Variants in ADGRV1 observed in about 807,000 individuals in gnomAD.
ADGRV1 encodes adhesion G protein-coupled receptor V1, also known as G-protein coupled receptor 98.
A neutral mutation model predicts 596.2 loss-of-function variants in ADGRV1; 359 were observed. The ratio of observed to expected loss-of-function variants is 0.60; its 90% CI spans 0.55 to 0.66. ADGRV1 has a LOEUF of 0.66. Ranked by LOEUF, ADGRV1 falls within the 30% of genes least tolerant of loss-of-function variation. The pLI, the probability that ADGRV1 is intolerant of heterozygous loss-of-function variation, is 0.00. For synonymous variants in ADGRV1, 2,681 were observed against 2,679.2 expected (o/e 1.00, Z -0.02); for missense variants, 7,274 against 7,575.6 (o/e 0.96, Z 1.48).
At chr5:90,827,812 A>G (rs1764190764) in intron 76 of ADGRV1, among the ~76,000 whole-genome samples, 1 of 152,244 alleles carries the variant, frequency 6.6e-6, no homozygotes, top group South Asian at 2.1e-4. Flanking sequence ...AAGTTGATTT[A>G]TGCTATAACT....
chr5:91,147,086 G>A (rs1469104328), intron 87 of ADGRV1, among the ~76,000 whole-genome samples: 1 of 150,150 alleles, frequency 6.7e-6, no homozygotes, highest in African/African-American at 2.5e-5. Flanking sequence ...AGTATCGCTT[G>A]AGCCTGGGAG....
In ADGRV1 at chr5:90,912,975, CAT is replaced by C. The variant is rs201987232; in HGVS notation, c.17856+49121_17856+49122del. Among the ~76,000 whole-genome samples, 1,340 of 152,278 alleles carry C rather than the reference CAT, an allele frequency of 8.8e-3. 16 individuals are homozygous for C. The highest frequency in any genetic ancestry group is 0.031 in the African/African-American group (1,294 of 41,552). ...GGGACTTTGATGTTGGGGTTCGAAACATATTTTTATTTTCCTTCATGAAATAC... is the reference window on the plus strand; with the variant it reads ...GGGACTTTGATGTTGGGGTTCGAAACATTTTTATTTTCCTTCATGAAATAC... On this transcript the variant is annotated intron_variant, in intron 83 of 89. Coordinates refer to ENST00000405460, the MANE Select transcript of ADGRV1 (RefSeq NM_032119.4).
At chr5:90,871,332 T>A (rs1768654018) in intron 83 of ADGRV1, among the ~76,000 whole-genome samples, 1 of 152,230 alleles carries the variant, frequency 6.6e-6, no homozygotes, top group Non-Finnish European at 1.5e-5. Flanking sequence ...ATGTATCAAA[T>A]TTGTCTTTCT....
In ADGRV1 at chr5:90,576,104, A is replaced by G. The variant is rs552095980; in HGVS notation, c.22+17187A>G. Among the ~76,000 whole-genome samples, 3 of 152,122 alleles carry G rather than the reference A, an allele frequency of 2.0e-5. No individual in the cohort carries two copies. In the East Asian group the frequency reaches 5.8e-4, roughly 29 times the overall value. On this transcript the variant is annotated intron_variant, in intron 1 of 89. Coordinates refer to ENST00000405460, the MANE Select transcript of ADGRV1 (RefSeq NM_032119.4). ...CAGCACTGCTTCCAGTCCTCTGCTT[A>G]AGGGTGGGATTCTATTATTATTATT...
In ADGRV1 at chr5:91,127,302, G is replaced by C. The variant is rs974633424; in HGVS notation, c.18433-22728G>C. ...TGCCTGTAATCCTAACCCTTTGGGA[G>C]GCTGATGTGGGCAGATTGCTTGAGG... is the stretch of plus-strand genomic sequence containing the variant. On this transcript the variant is annotated intron_variant, in intron 87 of 89. Transcript: ENST00000405460. 3.1e-4 allele frequency among the ~76,000 whole-genome samples: 47 copies of C among 152,292 alleles called. 1 individual carries two copies. Among genetic ancestry groups the C allele is most frequent in the African/African-American group, 1.0e-3 (43 of 41,560 alleles).
chr5:90,764,792 G>A (rs563303026), intron 59 of ADGRV1, among the ~76,000 whole-genome samples: 6 of 152,272 alleles, frequency 3.9e-5, no homozygotes, highest in African/African-American at 1.4e-4. Context: ...CTCAGGCAGG[G>A]CAGTGGCACT....
At chr5:91,100,694 G>A (rs1791300353) in intron 86 of ADGRV1, among the ~76,000 whole-genome samples, 1 of 152,128 alleles carries the variant, frequency 6.6e-6, no homozygotes, top group South Asian at 2.1e-4. Context: ...AGGGGAAAAT[G>A]CTAACTTTAC....
At chr5:90,625,747 C>G (rs963728167) in intron 6 of ADGRV1, 1 of 152,310 alleles carries the variant, frequency 6.6e-6, no homozygotes, top group African/African-American at 2.4e-5. Context: ...ACTACAGGTG[C>G]CTGCCACCAT....
At position 90,622,622 on chromosome 5, in the gene ADGRV1, C is replaced by G. The variant is rs1764235202; in HGVS notation, c.479C>G (p.Pro160Arg). The G allele has an allele frequency of 6.7e-7, 1 of 1,487,390 alleles. No individual in the cohort carries two copies. The allele number at this position is 1,487,390 out of a possible 1,614,324, so 92.1% of individuals were successfully genotyped here. A position where few individuals can be genotyped will look rare whatever the true frequency, so the allele number is the denominator to read the frequency against. ...CTTCCCTCAATCGCAGTGAGTGAGC[C>G]CAAGGGCAGAAATGAGTCTATGCCT... ...NMLPSIAVSE[P>R]KGRNESMPLT... The change falls in exon 5 of 90, where the codon CCC becomes CGC. Residue 160 changes from proline (P) to arginine (R), a missense_variant. Pro to Arg is a moderately radical substitution (Grantham distance 103, BLOSUM62 -2). Transcript: ENST00000405460.
At chr5:91,069,928 C>A (rs376696792) in intron 85 of ADGRV1, among the ~76,000 whole-genome samples, 358 of 136,604 alleles carry the variant, frequency 2.6e-3, no homozygotes, top group Non-Finnish European at 3.0e-3. Context: ...AATGTAGCCA[C>A]AAAAAAAAAA....
At chr5:91,041,648 AAG>A (rs932058683) in intron 85 of ADGRV1, among the ~76,000 whole-genome samples, 3 of 150,072 alleles carry the variant, frequency 2.0e-5, no homozygotes, top group Admixed American at 1.3e-4. Flanking sequence ...AAAAAAAAAA[AAG>A]AGAGAGAGAG....
chr5:90,705,654 A>T, intron 37 of ADGRV1, 75 bp downstream of exon 37: 1 of 1,177,854 alleles, frequency 8.5e-7, no homozygotes, highest in Non-Finnish European at 1.2e-6. Flanking sequence ...GATGAAAGCC[A>T]TTGCTAAAAT....
At chr5:91,080,868 A>G (rs1789295005) in intron 86 of ADGRV1, among the ~76,000 whole-genome samples, 1 of 152,208 alleles carries the variant, frequency 6.6e-6, no homozygotes, top group African/African-American at 2.4e-5. Flanking sequence ...TATTAGTATA[A>G]GAACCCTTTC....
chr5:91,097,048 C>A (rs1562214350), intron 86 of ADGRV1, among the ~76,000 whole-genome samples: 1 of 152,138 alleles, frequency 6.6e-6, no homozygotes, highest in African/African-American at 2.4e-5. Flanking sequence ...AATTTTATTC[C>A]TTTTTAAGCT....
chr5:90,703,355 TACAGA>T (rs576968527), intron 34 of ADGRV1, among the ~76,000 whole-genome samples: 135 of 152,254 alleles, frequency 8.9e-4, no homozygotes, highest in African/African-American at 3.1e-3. Flanking sequence ...TTCTTTAATT[TACAGA>T]ACACTTATGT....
chr5:90,797,390 A>C (rs1339038846), intron 70 of ADGRV1, among the ~76,000 whole-genome samples: 1 of 152,102 alleles, frequency 6.6e-6, no homozygotes, highest in Non-Finnish European at 1.5e-5. Flanking sequence ...AGGCCAGTAC[A>C]TAATGGTAAA....
At chr5:90,653,099 G>A (rs578061605) in intron 19 of ADGRV1, 110 bp from the exon 20 acceptor site, 182 of 1,034,570 alleles carry the variant, frequency 1.8e-4, no homozygotes, top group Admixed American at 4.3e-4. Flanking sequence ...TTGATAATGA[G>A]TAAATTATTT....
chr5:90,752,385 C>G (rs1755361954), intron 53 of ADGRV1, among the ~76,000 whole-genome samples: 1 of 152,104 alleles, frequency 6.6e-6, no homozygotes, highest in Admixed American at 6.6e-5. Context: ...TTCTACAGAT[C>G]ATTTCATCAT....
chr5:91,057,799 C>A (rs532101980), intron 85 of ADGRV1, among the ~76,000 whole-genome samples: 3 of 152,000 alleles, frequency 2.0e-5, no homozygotes, highest in African/African-American at 7.3e-5. Context: ...CTCCTTCTAA[C>A]GGAATTAGTT....
Sources: gnomAD v4.1 joint callset for allele counts (sites outside exome capture counted in the v4.1 genomes callset) on GRCh38, gnomAD v4.1.1 for gene constraint, MANE v1.5 for transcripts, NCBI Gene and HGNC (gene_info 2026-07-23, HGNC 2026-07-21) for gene names.